The following LIFR variants were observed in gnomAD, a reference collection of about 807,000 sequenced individuals.
LIFR encodes leukemia inhibitory factor receptor.
LIFR carries 84 observed loss-of-function variants against 122.2 expected under a neutral mutation model. That is an observed-to-expected ratio of 0.69 (90% CI 0.58 to 0.82). LIFR has a LOEUF of 0.82. Among genes scored for constraint, LIFR ranks in the 40% least tolerant of loss-of-function variants. The pLI is 0.00. For synonymous variants in LIFR, 422 were observed against 434.7 expected (o/e 0.97, Z 0.36); for missense variants, 1,294 against 1,311.6 (o/e 0.99, Z 0.21).
chr5:38,601,512 C>G (rs1290744370), intron 2 of LIFR, among the ~76,000 whole-genome samples: 1 of 152,160 alleles, frequency 6.6e-6, no homozygotes, highest in East Asian at 1.9e-4. Flanking sequence ...CTCCTGGACC[C>G]TGAGTTCCCG....
chr5:38,488,749 G>T (rs1429063319), intron 16 of LIFR, among the ~76,000 whole-genome samples: 1 of 152,154 alleles, frequency 6.6e-6, no homozygotes, highest in African/African-American at 2.4e-5. Flanking sequence ...GTAAGTAAAA[G>T]ATTTCTTTTT....
intron 13 of LIFR, among the ~76,000 whole-genome samples, chr5:38,496,128 T>C (rs1303101881): frequency 6.6e-6 from 1 of 152,194 alleles, no homozygotes; most frequent in Non-Finnish European, 1.5e-5. Context: ...TATCCACCAC[T>C]GTAACTCTCC....
upstream of LIFR, among the ~76,000 whole-genome samples, chr5:38,598,228 TTTTTATTTA>T (rs1750148918): frequency 2.1e-5 from 1 of 48,122 alleles, no homozygotes; most frequent in Non-Finnish European, 3.8e-5. Context: ...TTTTTTTTTT[TTTTTATTTA>T]TTTATTTATT....
chr5:38,509,202 T>C (rs998756350), intron 7 of LIFR, among the ~76,000 whole-genome samples: 1 of 152,238 alleles, frequency 6.6e-6, no homozygotes, highest in Non-Finnish European at 1.5e-5. Flanking sequence ...TCTTTCATAC[T>C]TTTAAGTAAT....
chr5:38,604,631 G>T (rs982804855), intron 2 of LIFR, among the ~76,000 whole-genome samples: 4 of 152,024 alleles, frequency 2.6e-5, no homozygotes, highest in African/African-American at 9.7e-5. Flanking sequence ...AACCTGGGAG[G>T]CGGAGGTTGC....
intron 2 of LIFR, among the ~76,000 whole-genome samples, chr5:38,601,059 C>G (rs1750213686): frequency 1.3e-5 from 2 of 152,184 alleles, no homozygotes; most frequent in African/African-American, 4.8e-5. Context: ...AAACATATGT[C>G]TATCTCATGA....
At chr5:38,509,118 A>C (rs1745656104) in intron 7 of LIFR, among the ~76,000 whole-genome samples, 1 of 152,222 alleles carries the variant, frequency 6.6e-6, no homozygotes, top group Non-Finnish European at 1.5e-5. Context: ...TTACTATGAT[A>C]AAAGATTACA....
chr5:38,561,396 G>C (rs916359885), upstream of LIFR, among the ~76,000 whole-genome samples: 6 of 152,086 alleles, frequency 3.9e-5, no homozygotes, highest in African/African-American at 9.7e-5. Flanking sequence ...TCAAGTCTTG[G>C]TTTTCCTAGT....
chr5:38,600,257 A>G (rs1375510998), upstream of LIFR, among the ~76,000 whole-genome samples: 1 of 152,178 alleles, frequency 6.6e-6, no homozygotes, highest in East Asian at 1.9e-4. Context: ...CCTAAAATGT[A>G]TGAAACCAAG....
At chr5:38,586,632 T>TA (rs1484983113) in intron 1 of LIFR, among the ~76,000 whole-genome samples, 10 of 152,138 alleles carry the variant, frequency 6.6e-5, no homozygotes, top group African/African-American at 2.4e-4. Context: ...TATTTCTGTT[T>TA]AAAAAACAAC....
At chr5:38,602,346 G>A (rs1750237179) in intron 2 of LIFR, among the ~76,000 whole-genome samples, 1 of 152,280 alleles carries the variant, frequency 6.6e-6, no homozygotes, top group South Asian at 2.1e-4. Flanking sequence ...TACAAATAGT[G>A]TTAGTCTCCA....
intron 1 of LIFR, among the ~76,000 whole-genome samples, chr5:38,570,142 C>T (rs1361113522): frequency 1.3e-5 from 2 of 152,180 alleles, no homozygotes; most frequent in East Asian, 1.9e-4. Context: ...TTAACTTGCC[C>T]GTCTGTAAAA....
intron 1 of LIFR, among the ~76,000 whole-genome samples, chr5:38,574,328 G>A: frequency 6.6e-6 from 1 of 151,794 alleles, no homozygotes; most frequent in East Asian, 1.9e-4. Flanking sequence ...CCAATTCTTG[G>A]CCTGGCTCAT....
chr5:38,480,298 A>G lies in LIFR; in HGVS notation c.*1297T>C, dbSNP rs1158484857. 9 of 227,522 alleles carry G rather than the reference A, an allele frequency of 4.0e-5. No homozygotes were observed. Among genetic ancestry groups the G allele is most frequent in the Non-Finnish European group, 7.9e-5 (9 of 114,472 alleles). 14.1% of individuals were successfully genotyped at this position (227,522 alleles called of 1,614,324 possible). On this transcript the variant is annotated 3_prime_UTR_variant, in exon 20 of 20. Transcript: ENST00000453190. The stretch of plus-strand genomic sequence containing the variant: ...CTTTTCCAAGAACCACAATCACTCC[A>G]GACATCGCTTATGAGAAACAAGGGT...
At chr5:38,509,094 A>C (rs762077770) in intron 7 of LIFR, among the ~76,000 whole-genome samples, 30 of 152,170 alleles carry the variant, frequency 2.0e-4, no homozygotes, top group Non-Finnish European at 4.0e-4. Context: ...TAAACTATAA[A>C]TTAGCTTGTT....
At chr5:38,589,042 G>A (rs1358284688) in intron 1 of LIFR, among the ~76,000 whole-genome samples, 4 of 150,600 alleles carry the variant, frequency 2.7e-5, no homozygotes, top group Non-Finnish European at 5.9e-5. Context: ...CTGTTGCCGA[G>A]GCTGAAGTGC....
At position 38,474,774 on chromosome 5, in the gene LIFR, G is replaced by A. The variant is rs918813579; in HGVS notation, c.*6821C>T. On this transcript the variant is annotated 3_prime_UTR_variant, in exon 20 of 20. Coordinates refer to ENST00000453190, the MANE Select transcript of LIFR (RefSeq NM_001127671.2). The stretch of plus-strand genomic sequence containing the variant: ...GTAAACAATAATGACTTAATGGACA[G>A]ATGGATGTTACACCAATGGCACAGC... Among the ~76,000 whole-genome samples, 1 of 152,164 alleles carries A rather than the reference G, an allele frequency of 6.6e-6. No homozygotes were observed. Among genetic ancestry groups the A allele is most frequent in the African/African-American group, 2.4e-5 (1 of 41,418 alleles).
In LIFR at chr5:38,481,222, C is replaced by T; in HGVS notation, c.*373G>A. 1 of 306,376 alleles carries T rather than the reference C, an allele frequency of 3.3e-6. No homozygotes were observed. Among genetic ancestry groups the T allele is most frequent in the Non-Finnish European group, 6.1e-6 (1 of 163,374 alleles). 19.0% of individuals were successfully genotyped at this position (306,376 alleles called of 1,614,324 possible). ...GCCTGCAAATCCACTTACAATTCCA[C>T]CAAGTATACACATGAGAAAACCACA... On this transcript the variant is annotated 3_prime_UTR_variant, in exon 20 of 20. Coordinates refer to ENST00000453190, the MANE Select transcript of LIFR (RefSeq NM_001127671.2).
intron 5 of LIFR, among the ~76,000 whole-genome samples, chr5:38,517,765 G>A (rs34854251): frequency 1.4e-5 from 2 of 144,076 alleles, no homozygotes; most frequent in African/African-American, 2.6e-5. Context: ...GCTGAAGCAA[G>A]AGAATAGCTT....
Sources: allele counts gnomAD v4.1 joint callset (sites outside exome capture counted in the v4.1 genomes callset), GRCh38; gene constraint gnomAD v4.1.1; transcripts MANE v1.5; gene names NCBI Gene and HGNC (gene_info 2026-07-23, HGNC 2026-07-21).